The following TAX1BP1 variants were observed in gnomAD, a reference collection of about 807,000 sequenced individuals.
TAX1BP1 encodes Tax1 binding protein 1.
In TAX1BP1, 62 loss-of-function variants were observed where a neutral mutation model predicts 97.7. The observed-to-expected ratio is 0.63, with a 90% CI of 0.52 to 0.78. The LOEUF (loss-of-function observed/expected upper bound fraction) is 0.78, where lower values mean the gene tolerates loss of function less well. Ranked by LOEUF, TAX1BP1 falls within the 30% of genes least tolerant of loss-of-function variation. The pLI is 0.00. For missense variants in TAX1BP1, 867 were observed against 916.1 expected, an observed-to-expected ratio of 0.95 and a Z score of 0.69; for synonymous variants, 340 against 304.2, an observed-to-expected ratio of 1.12 and a Z score of -1.23.
chr7:27,791,945 T>C (rs1789724756), intron 8 of TAX1BP1, 61 bp from the exon 9 acceptor site: 1 of 1,538,490 alleles, frequency 6.5e-7, no homozygotes. Flanking sequence ...CGAAAATTGT[T>C]TCTGCTTCTG....
At chr7:27,804,255 TA>T (rs1488500510) in intron 13 of TAX1BP1, among the ~76,000 whole-genome samples, 2 of 152,232 alleles carry the variant, frequency 1.3e-5, no homozygotes, top group Non-Finnish European at 2.9e-5. Context: ...TCATGTATCA[TA>T]AAAGAGCCAT....
intron 13 of TAX1BP1, among the ~76,000 whole-genome samples, chr7:27,800,488 G>A (rs1182890683): frequency 6.6e-6 from 1 of 152,056 alleles, no homozygotes; most frequent in Non-Finnish European, 1.5e-5. Context: ...ATGCCAGTCT[G>A]GGAGGATTGC....
At chr7:27,773,913 A>G (rs1329710140) in intron 5 of TAX1BP1, among the ~76,000 whole-genome samples, 1 of 152,108 alleles carries the variant, frequency 6.6e-6, no homozygotes, top group African/African-American at 2.4e-5. Context: ...TGGAGCCTAA[A>G]CTATGAATTG....
chr7:27,749,137 TAC>T (rs1277375420), intron 2 of TAX1BP1, among the ~76,000 whole-genome samples: 1 of 152,236 alleles, frequency 6.6e-6, no homozygotes, highest in Non-Finnish European at 1.5e-5. Flanking sequence ...CTGTTTGTAT[TAC>T]ACAGTTTTAA....
chr7:27,818,488 T>C (rs1161313796), intron 15 of TAX1BP1, among the ~76,000 whole-genome samples: 3 of 152,280 alleles, frequency 2.0e-5, no homozygotes, highest in East Asian at 1.9e-4. Flanking sequence ...CTGTTCTTTC[T>C]TTCTGTTTCT....
intron 3 of TAX1BP1, among the ~76,000 whole-genome samples, chr7:27,760,250 A>G (rs1788373285): frequency 6.6e-6 from 1 of 152,186 alleles, no homozygotes; most frequent in East Asian, 1.9e-4. Context: ...TTAACAAACT[A>G]AAAGAAAAAC....
chr7:27,809,071 GA>G lies in TAX1BP1; in HGVS notation c.1765-7277del, dbSNP rs1562737435. On this transcript the variant is annotated intron_variant, in intron 13 of 16. Coordinates refer to ENST00000396319, the MANE Select transcript of TAX1BP1 (RefSeq NM_006024.7). ...ATTAAGACAAATTTGTGATATATAT[GA>G]TAGAGTATGTGCTTATTCTTTTAAA... 1.2e-4 allele frequency among the ~76,000 whole-genome samples: 7 copies of G among 56,068 alleles called. No individual in the cohort carries two copies. In the East Asian group the frequency reaches 1.9e-3, roughly 15 times the overall value. 36.8% of individuals were successfully genotyped at this position (56,068 alleles called of 152,430 possible). A position where few individuals can be genotyped will look rare whatever the true frequency, so the allele number is the denominator to read the frequency against.
chr7:27,823,371 A>G (rs1320358744), intron 15 of TAX1BP1, among the ~76,000 whole-genome samples: 1 of 152,248 alleles, frequency 6.6e-6, no homozygotes, highest in African/African-American at 2.4e-5. Context: ...CTTGAACTAA[A>G]GTAATAATTA....
chr7:27,802,511 G>A (rs560999704), intron 13 of TAX1BP1, among the ~76,000 whole-genome samples: 1 of 152,304 alleles, frequency 6.6e-6, no homozygotes, highest in East Asian at 1.9e-4. Flanking sequence ...GTGGGTGATT[G>A]CTGAATGAAT....
At chr7:27,740,351 C>T (rs1159239417) in intron 1 of TAX1BP1, 82 bp downstream of exon 1, 2 of 152,498 alleles carry the variant, frequency 1.3e-5, no homozygotes, top group Non-Finnish European at 1.5e-5. Flanking sequence ...GTGCTACACC[C>T]TTCAGCCCCT....
chr7:27,798,499 A>G (rs1790018083), intron 12 of TAX1BP1, among the ~76,000 whole-genome samples: 1 of 151,866 alleles, frequency 6.6e-6, no homozygotes, highest in Non-Finnish European at 1.5e-5. Flanking sequence ...CCCTTTCTCT[A>G]CTAAAAATAC....
intron 1 of TAX1BP1, among the ~76,000 whole-genome samples, chr7:27,741,806 C>T (rs1167935577): frequency 6.6e-6 from 1 of 152,002 alleles, no homozygotes; most frequent in Non-Finnish European, 1.5e-5. Flanking sequence ...TCCCGCCAGC[C>T]TCTGAGTTCC....
At chr7:27,756,178 T>G (rs1448152056) in intron 2 of TAX1BP1, among the ~76,000 whole-genome samples, 1 of 152,174 alleles carries the variant, frequency 6.6e-6, no homozygotes, top group Non-Finnish European at 1.5e-5. Flanking sequence ...TCTTTTGTGT[T>G]CCTTCCAGTA....
At chr7:27,825,595 GAAT>G (rs929688608) in intron 15 of TAX1BP1, among the ~76,000 whole-genome samples, 2 of 152,148 alleles carry the variant, frequency 1.3e-5, no homozygotes, top group African/African-American at 4.8e-5. Context: ...GAAGATAACA[GAAT>G]AATCGGGTTA....
rs1303678179 is a variant in TAX1BP1, at chr7:27,816,920, A to T, written c.1967A>T (p.Glu656Val). 1 of 1,614,028 alleles carries T rather than the reference A, an allele frequency of 6.2e-7. No homozygotes were observed. The highest frequency in any genetic ancestry group is 2.2e-5 in the East Asian group (1 of 44,882). Residue 656 changes from glutamate to valine, a missense_variant, in exon 15 of 17, where the codon GAA becomes GTA. This residue lies in a region of TAX1BP1 where 822 missense variants were observed against 851.4 expected (regional missense o/e 0.97). Coordinates refer to ENST00000396319, the MANE Select transcript of TAX1BP1 (RefSeq NM_006024.7). ...DGADGAFYPD[E>V]IQRPPVRVPS... ...GCAGATGGTGCTTTTTACCCAGATG[A>T]AATACAAAGGCCACCTGTCAGAGTC...
Position 27,817,000 on chromosome 7 carries a change from A to G in TAX1BP1, c.2047A>G (p.Ser683Gly). The change falls in exon 15 of 17, where the codon AGT becomes GGT. Residue 683 changes from serine (S) to glycine (G), a missense_variant. This residue lies in a region of TAX1BP1 where 822 missense variants were observed against 851.4 expected (regional missense o/e 0.97). Coordinates refer to ENST00000396319, the MANE Select transcript of TAX1BP1 (RefSeq NM_006024.7). ...VVCSQPARNFSRPDGLEDSED... is the reference protein window; with the variant it reads ...VVCSQPARNFGRPDGLEDSED... Reference sequence around the variant, plus strand: ...CTGCAGCCAGCCTGCTCGAAACTTTAGTCGGCCTGATGGCTTAGAGGACTC... The same window carrying G: ...CTGCAGCCAGCCTGCTCGAAACTTTGGTCGGCCTGATGGCTTAGAGGACTC... 6.2e-7 allele frequency: 1 copy of G among 1,614,078 alleles called. No homozygotes were observed. The highest frequency in any genetic ancestry group is 8.5e-7 in the Non-Finnish European group (1 of 1,179,996).
At chr7:27,754,970 C>G (rs755844294) in intron 2 of TAX1BP1, among the ~76,000 whole-genome samples, 11 of 152,098 alleles carry the variant, frequency 7.2e-5, no homozygotes, top group African/African-American at 1.2e-4. Flanking sequence ...TAATCACTTA[C>G]AATTAGTTCT....
chr7:27,791,840 A>G (rs553800653), intron 8 of TAX1BP1, among the ~76,000 whole-genome samples, 166 bp from the exon 9 acceptor site: 20 of 152,304 alleles, frequency 1.3e-4, no homozygotes, highest in Non-Finnish European at 2.2e-4. Flanking sequence ...GGAACCTAAA[A>G]CAAAGTTACT....
chr7:27,752,763 CCT>C (rs1262868813), intron 2 of TAX1BP1, among the ~76,000 whole-genome samples: 2 of 152,112 alleles, frequency 1.3e-5, no homozygotes, highest in Non-Finnish European at 2.9e-5. Flanking sequence ...CATTATACTC[CCT>C]GTTTTACAGA....
Sources: gnomAD v4.1 joint callset for allele counts (sites outside exome capture counted in the v4.1 genomes callset) on GRCh38, gnomAD v4.1.1 for gene constraint, gnomAD v4.1.1 regional missense constraint, MANE v1.5 for transcripts, NCBI Gene and HGNC (gene_info 2026-07-23, HGNC 2026-07-21) for gene names.